SLC22A15: variants seen among roughly 807,000 people sequenced by gnomAD.
The protein encoded by SLC22A15 is solute carrier family 22 member 15.
In SLC22A15, 45 loss-of-function variants were observed where a neutral mutation model predicts 62.7. That is an observed-to-expected ratio of 0.72 (90% CI 0.56 to 0.92). The LOEUF (loss-of-function observed/expected upper bound fraction) is 0.92. Among genes scored for constraint, SLC22A15 ranks in the 40% least tolerant of loss-of-function variants. SLC22A15 has a pLI of 0.00. For synonymous variants in SLC22A15, 264 were observed against 267.0 expected (o/e 0.99, Z 0.11); for missense variants, 622 against 665.6 (o/e 0.93, Z 0.72).
At chr1:116,056,527 A>T (rs561480620) in intron 8 of SLC22A15, among the ~76,000 whole-genome samples, 1 of 151,316 alleles carries the variant, frequency 6.6e-6, no homozygotes, top group Admixed American at 6.6e-5. Context: ...GCTACCAATG[A>T]CTTTCTTCAC....
chr1:116,044,524 A>C (rs1657877269), intron 8 of SLC22A15, among the ~76,000 whole-genome samples: 1 of 152,262 alleles, frequency 6.6e-6, no homozygotes, highest in Non-Finnish European at 1.5e-5. Context: ...AACATTGTAC[A>C]AAAAGTACTA....
In SLC22A15 at chr1:116,031,357, C is replaced by A; in HGVS notation, c.729-9C>A. On this transcript the variant is annotated splice_polypyrimidine_tract_variant and intron_variant, in intron 5 of 11. Transcript: ENST00000369503. Reference sequence around the variant, plus strand: ...ATGAATATACAGGCTTTAATGACATCTCTTTCAGATTCATTCCTGAATCAC... The same window carrying A: ...ATGAATATACAGGCTTTAATGACATATCTTTCAGATTCATTCCTGAATCAC... The A allele has an allele frequency of 6.2e-7, 1 of 1,607,198 alleles. No homozygotes were observed. Among genetic ancestry groups the A allele is most frequent in the Non-Finnish European group, 8.5e-7 (1 of 1,175,416 alleles).
intron 4 of SLC22A15, among the ~76,000 whole-genome samples, chr1:116,021,876 C>G (rs1212598304): frequency 1.3e-5 from 2 of 152,158 alleles, no homozygotes; most frequent in Admixed American, 6.5e-5. Context: ...CTTGATGACA[C>G]CCAGGTCATC....
chr1:115,980,376 A>G (rs1654552766), intron 1 of SLC22A15, among the ~76,000 whole-genome samples: 1 of 152,178 alleles, frequency 6.6e-6, no homozygotes, highest in Non-Finnish European at 1.5e-5. Context: ...GCATAGGGAG[A>G]TATGTGTAAG....
At chr1:116,065,356 C>T (rs1377381905) in intron 10 of SLC22A15, among the ~76,000 whole-genome samples, 1 of 152,098 alleles carries the variant, frequency 6.6e-6, no homozygotes, top group Non-Finnish European at 1.5e-5. Flanking sequence ...TTCACAAGAC[C>T]CTTCTCCTAA....
At chr1:116,006,203 A>T (rs1655970313) in intron 2 of SLC22A15, among the ~76,000 whole-genome samples, 1 of 152,136 alleles carries the variant, frequency 6.6e-6, no homozygotes, top group African/African-American at 2.4e-5. Context: ...TCACTGAGCA[A>T]TTGTTACCTG....
chr1:116,025,968 T>C (rs1657066195), intron 4 of SLC22A15, among the ~76,000 whole-genome samples: 2 of 152,214 alleles, frequency 1.3e-5, no homozygotes. Context: ...TTGATATTTT[T>C]CCATCATTGT....
intron 8 of SLC22A15, among the ~76,000 whole-genome samples, chr1:116,050,862 G>C (rs1234520743): frequency 6.6e-6 from 1 of 152,124 alleles, no homozygotes; most frequent in African/African-American, 2.4e-5. Flanking sequence ...ACTGATAAAA[G>C]AATTCAGCAA....
Position 116,026,924 on chromosome 1 carries a change from C to T in SLC22A15, c.630C>T (p.Gly210=), listed in dbSNP as rs777860270. The change falls in exon 5 of 12, where the codon GGC becomes GGT. Residue 210 remains glycine, a synonymous_variant. Coordinates refer to ENST00000369503, the MANE Select transcript of SLC22A15 (RefSeq NM_018420.3). The part of the protein sequence containing the change: ...GSIGGLFFAV[G]IAQYALLGYF... ...TTGGCGGCCTGTTCTTTGCAGTTGG[C>T]ATTGCCCAATATGCCCTGTTAGGAT... is the stretch of plus-strand genomic sequence containing the variant. The T allele has an allele frequency of 9.3e-6, 15 of 1,613,564 alleles. No homozygotes were observed. The highest frequency in any genetic ancestry group is 1.3e-5 in the African/African-American group (1 of 74,928).
rs1654290726 is a variant in SLC22A15 at position 115,976,534 on chromosome 1, A to G, written c.-94A>G. ...TTCCATCCCCGCCCCGGCGGGTCCAAGCCGGTGCCGGGCGCCCAGGGGTTG... is the reference window on the plus strand; with the variant it reads ...TTCCATCCCCGCCCCGGCGGGTCCAGGCCGGTGCCGGGCGCCCAGGGGTTG... On this transcript the variant is annotated 5_prime_UTR_variant, in exon 1 of 12. Transcript: ENST00000369503. The G allele has an allele frequency of 9.4e-6, 8 of 850,930 alleles. 1 individual carries two copies. The South Asian group carries it at 1.5e-4, about 16-fold the overall frequency. 52.7% of individuals were successfully genotyped at this position (850,930 alleles called of 1,614,324 possible). A position where few individuals can be genotyped will look rare whatever the true frequency, so the allele number is the denominator to read the frequency against.
chr1:116,031,601 T>A lies in SLC22A15; in HGVS notation c.944+20T>A. On this transcript the variant is annotated intron_variant, in intron 6 of 11. Transcript: ENST00000369503. Reference sequence around the variant, plus strand: ...CATCTGGTAATTATACTAAGGCGTGTTCTGTTGCTCTTTAACTAAGGTTGC... The same window carrying A: ...CATCTGGTAATTATACTAAGGCGTGATCTGTTGCTCTTTAACTAAGGTTGC... 1 of 1,611,468 alleles carries A rather than the reference T, an allele frequency of 6.2e-7. No homozygotes were observed. The highest frequency in any genetic ancestry group is 8.5e-7 in the Non-Finnish European group (1 of 1,178,268).
intron 2 of SLC22A15, among the ~76,000 whole-genome samples, chr1:116,008,113 C>T (rs1656075770): frequency 6.6e-6 from 1 of 152,082 alleles, no homozygotes; most frequent in South Asian, 2.1e-4. Context: ...ACAGTTAGCA[C>T]AGTGACCGTG....
chr1:116,044,268 G>A (rs1399485764), intron 8 of SLC22A15, among the ~76,000 whole-genome samples: 1 of 152,198 alleles, frequency 6.6e-6, no homozygotes, highest in Non-Finnish European at 1.5e-5. Context: ...GACTAAGCAA[G>A]TTTTATCCCA....
At chr1:115,998,295 C>T (rs569545659) in intron 2 of SLC22A15, among the ~76,000 whole-genome samples, 44 of 152,006 alleles carry the variant, frequency 2.9e-4, no homozygotes, top group Non-Finnish European at 5.4e-4. Flanking sequence ...ATACTGGCCT[C>T]GAAGGATCAT....
chr1:116,050,525 A>G (rs1658021415), intron 8 of SLC22A15, among the ~76,000 whole-genome samples: 1 of 152,192 alleles, frequency 6.6e-6, no homozygotes, highest in Non-Finnish European at 1.5e-5. Flanking sequence ...AAAAAGCATT[A>G]GACAAAACCC....
intron 1 of SLC22A15, among the ~76,000 whole-genome samples, chr1:115,977,429 C>G (rs1654368129): frequency 6.6e-6 from 1 of 152,238 alleles, no homozygotes; most frequent in African/African-American, 2.4e-5. Flanking sequence ...AATATCGATT[C>G]CATATGCGAA....
At chr1:116,064,018 A>T (rs1224809716) in intron 9 of SLC22A15, among the ~76,000 whole-genome samples, 1 of 152,196 alleles carries the variant, frequency 6.6e-6, no homozygotes, top group Non-Finnish European at 1.5e-5. Context: ...GGCAGTCTGT[A>T]GGAGATCTAA....
intron 8 of SLC22A15, among the ~76,000 whole-genome samples, chr1:116,043,672 T>C (rs1024173938): frequency 2.0e-5 from 3 of 151,422 alleles, no homozygotes; most frequent in Non-Finnish European, 4.4e-5. Context: ...AAACAAACAA[T>C]GGAGAAAAAT....
chr1:116,040,301 A>G (rs1180342427), intron 8 of SLC22A15, among the ~76,000 whole-genome samples: 3 of 152,202 alleles, frequency 2.0e-5, no homozygotes, highest in Non-Finnish European at 4.4e-5. Context: ...TAATATTAGC[A>G]GGTGGCCACT....
Sources: gnomAD v4.1 joint callset for allele counts (sites outside exome capture counted in the v4.1 genomes callset) on GRCh38, gnomAD v4.1.1 for gene constraint, MANE v1.5 for transcripts, NCBI Gene and HGNC (gene_info 2026-07-23, HGNC 2026-07-21) for gene names.